The following TYR variants were observed in gnomAD, a reference collection of about 807,000 sequenced individuals.
The protein encoded by TYR is LB24-AB.
In TYR, 58 loss-of-function variants were observed where a neutral mutation model predicts 51.5. The ratio of observed to expected loss-of-function variants is 1.13; its 90% confidence interval spans 0.91 to 1.40. The LOEUF (loss-of-function observed/expected upper bound fraction) is 1.40, where lower values mean the gene tolerates loss of function less well. Ranked by LOEUF, TYR falls within the 40% of genes most tolerant of loss-of-function variation. TYR has a pLI of 0.00. For synonymous variants in TYR, 263 were observed against 235.2 expected (o/e 1.12, Z -1.08); for missense variants, 732 against 647.4 (o/e 1.13, Z -1.42).
intron 1 of TYR, among the ~76,000 whole-genome samples, chr11:89,180,780 G>A (rs1943290832): frequency 6.6e-6 from 1 of 152,090 alleles, no homozygotes; most frequent in African/African-American, 2.4e-5. Flanking sequence ...AGTGTCAAGG[G>A]CTTATTAGTG....
intron 2 of TYR, among the ~76,000 whole-genome samples, chr11:89,207,115 A>G (rs1177967290): frequency 6.6e-6 from 1 of 151,970 alleles, no homozygotes; most frequent in African/African-American, 2.4e-5. Context: ...TGAAGGAAAT[A>G]ATAAAGATAG....
chr11:89,244,399 T>C (rs907690968), intron 3 of TYR, among the ~76,000 whole-genome samples: 2 of 152,056 alleles, frequency 1.3e-5, no homozygotes, highest in African/African-American at 4.8e-5. Flanking sequence ...CCTCTCAGCT[T>C]AGCACGGCCT....
intron 2 of TYR, among the ~76,000 whole-genome samples, chr11:89,209,527 C>T (rs539088117): frequency 5.8e-4 from 89 of 152,280 alleles, no homozygotes; most frequent in African/African-American, 2.0e-3. Context: ...CCTCTGGGGG[C>T]AGGGCATATC....
At chr11:89,229,895 C>G (rs978347619) in intron 3 of TYR, among the ~76,000 whole-genome samples, 1 of 151,718 alleles carries the variant, frequency 6.6e-6, no homozygotes, top group Non-Finnish European at 1.5e-5. Context: ...AACTGTAGAA[C>G]ACAAAAATAA....
intron 2 of TYR, among the ~76,000 whole-genome samples, chr11:89,223,925 A>C (rs1411250943): frequency 7.8e-6 from 1 of 127,976 alleles, no homozygotes; most frequent in Non-Finnish European, 1.6e-5. Flanking sequence ...TTTTTTTCTT[A>C]ATAATATTAG....
intron 3 of TYR, among the ~76,000 whole-genome samples, chr11:89,273,379 C>T (rs556698173): frequency 2.0e-5 from 3 of 151,528 alleles, no homozygotes; most frequent in African/African-American, 7.3e-5. Flanking sequence ...GTGATGGGGG[C>T]GTGAGGGAAG....
rs137950922 is a variant in TYR at position 89,204,765 on chromosome 11, T to C, written c.1036+13347T>C. On this transcript the variant is annotated intron_variant, in intron 2 of 4. Transcript: ENST00000263321. Reference sequence around the variant, plus strand: ...GTAGTCTCATAAAATACCCAAAATGTCCAGGTTGAAAACAGAAAATAATCC... The same window carrying C: ...GTAGTCTCATAAAATACCCAAAATGCCCAGGTTGAAAACAGAAAATAATCC... 1.5e-3 allele frequency among the ~76,000 whole-genome samples: 231 copies of C among 151,000 alleles called. 3 individuals are homozygous for C. The highest frequency in any genetic ancestry group is 5.3e-3 in the African/African-American group (218 of 41,102).
chr11:89,260,266 T>G (rs949114997), intron 3 of TYR, among the ~76,000 whole-genome samples: 1 of 146,900 alleles, frequency 6.8e-6, no homozygotes, highest in African/African-American at 2.5e-5. Flanking sequence ...AAAAAAAAAA[T>G]TAAAAATGAA....
chr11:89,235,902 A>C (rs899688066), intron 3 of TYR, among the ~76,000 whole-genome samples: 2 of 152,150 alleles, frequency 1.3e-5, no homozygotes, highest in Non-Finnish European at 2.9e-5. Flanking sequence ...TAATCACTCC[A>C]CAATATATAC....
At chr11:89,214,968 T>G (rs1943813378) in intron 2 of TYR, among the ~76,000 whole-genome samples, 1 of 152,196 alleles carries the variant, frequency 6.6e-6, no homozygotes, top group Non-Finnish European at 1.5e-5. Context: ...TGCTAATATT[T>G]GTAGCCATCT....
chr11:89,185,137 C>T (rs937353812), intron 1 of TYR, among the ~76,000 whole-genome samples: 1 of 152,064 alleles, frequency 6.6e-6, no homozygotes, highest in African/African-American at 2.4e-5. Context: ...TAACATGGGT[C>T]TTTATATCCC....
At chr11:89,228,580 T>C (rs938515496) in intron 3 of TYR, among the ~76,000 whole-genome samples, 2 of 152,202 alleles carry the variant, frequency 1.3e-5, no homozygotes, top group African/African-American at 4.8e-5. Flanking sequence ...CTTCTGGAAA[T>C]TGTATTGTTA....
chr11:89,249,628 A>G (rs1328726107), intron 3 of TYR, among the ~76,000 whole-genome samples: 1 of 152,060 alleles, frequency 6.6e-6, no homozygotes, highest in Admixed American at 6.6e-5. Flanking sequence ...TTCGGGAGCC[A>G]GACTGGAGCA....
At chr11:89,262,847 CAAAAAAAAAA>C (rs771958187) in intron 3 of TYR, among the ~76,000 whole-genome samples, 1 of 19,304 alleles carries the variant, frequency 5.2e-5, no homozygotes, top group Admixed American at 7.5e-4. Context: ...GCTACTCATC[CAAAAAAAAAA>C]AAAAAAAAAA....
Position 89,212,323 on chromosome 11 carries a change from T to A in TYR, c.1037-15500T>A, listed in dbSNP as rs897756683. On this transcript the variant is annotated intron_variant, in intron 2 of 4. Transcript: ENST00000263321. ...ACTATAAACACCTCTATGCAAATAATCTAGAAAATCTAGAAGAAATGGATA... is the reference window on the plus strand; with the variant it reads ...ACTATAAACACCTCTATGCAAATAAACTAGAAAATCTAGAAGAAATGGATA... 2.6e-5 allele frequency among the ~76,000 whole-genome samples: 4 copies of A among 151,952 alleles called. No homozygotes were observed. The South Asian group carries it at 8.3e-4, about 31-fold the overall frequency.
At chr11:89,264,475 A>C (rs1944500552) in intron 3 of TYR, among the ~76,000 whole-genome samples, 1 of 152,032 alleles carries the variant, frequency 6.6e-6, no homozygotes, top group South Asian at 2.1e-4. Context: ...GTTGAAGTAT[A>C]AATTAGTTCA....
chr11:89,239,177 G>T (rs1324557190), intron 3 of TYR, among the ~76,000 whole-genome samples: 1 of 152,068 alleles, frequency 6.6e-6, no homozygotes, highest in Non-Finnish European at 1.5e-5. Context: ...TTAAATGTTG[G>T]CAGAACTTAT....
intron 4 of TYR, among the ~76,000 whole-genome samples, chr11:89,293,576 A>G (rs1162274003): frequency 6.6e-6 from 1 of 152,154 alleles, no homozygotes; most frequent in African/African-American, 2.4e-5. Flanking sequence ...CAAAGTAACA[A>G]GTGGTATTGA....
intron 2 of TYR, among the ~76,000 whole-genome samples, chr11:89,198,368 C>A (rs1224419304): frequency 2.6e-5 from 4 of 152,134 alleles, no homozygotes; most frequent in Non-Finnish European, 5.9e-5. Flanking sequence ...ATCTTCCTCA[C>A]TAATTCTGAG....
Sources: gnomAD v4.1 joint callset for allele counts (sites outside exome capture counted in the v4.1 genomes callset) on GRCh38, gnomAD v4.1.1 for gene constraint, MANE v1.5 for transcripts, NCBI Gene and HGNC (gene_info 2026-07-23, HGNC 2026-07-21) for gene names.